The following HDAC1 variants were observed in gnomAD, a reference collection of about 807,000 sequenced individuals.
The protein encoded by HDAC1 is histone deacetylase 1, also known as protein deacetylase HDAC1.
A neutral mutation model predicts 65.5 loss-of-function variants in HDAC1; 18 were observed. That is an observed-to-expected ratio of 0.27 (90% CI 0.19 to 0.41). The LOEUF is 0.41. Ranked by LOEUF, HDAC1 falls within the 10% of genes least tolerant of loss-of-function variation. The pLI is 1.00. For synonymous variants in HDAC1, 211 were observed against 227.9 expected (o/e 0.93, Z 0.67); for missense variants, 373 against 625.2 (o/e 0.60, Z 4.30).
At chr1:32,311,407 C>T (rs1640989197) in intron 2 of HDAC1, among the ~76,000 whole-genome samples, 1 of 151,824 alleles carries the variant, frequency 6.6e-6, no homozygotes, top group East Asian at 1.9e-4. Context: ...GCAGAAGTTG[C>T]AATGAGCCGA....
Position 32,326,943 on chromosome 1 carries a change from T to C in HDAC1, c.360T>C (p.Ser120=), listed in dbSNP as rs964310723. 2 of 1,613,940 alleles carry C rather than the reference T, an allele frequency of 1.2e-6. No individual in the cohort carries two copies. Among genetic ancestry groups the C allele is most frequent in the Non-Finnish European group, 1.7e-6 (2 of 1,179,966 alleles). Residue 120 remains serine, a synonymous_variant, in exon 5 of 14, where the codon AGT becomes AGC. Transcript: ENST00000373548. The part of the protein sequence containing the change: ...CQLSTGGSVA[S]AVKLNKQQTD... ...GTTCTCTTTTCTCATGCCCAGCAAG[T>C]GCTGTGAAACTTAATAAGCAGCAGA...
rs1223348291 is a variant in HDAC1, at chr1:32,325,614, T to A, written c.355+1061T>A. On this transcript the variant is annotated intron_variant, in intron 4 of 13. Coordinates refer to ENST00000373548, the MANE Select transcript of HDAC1 (RefSeq NM_004964.3). ...TACTTAACGAAATTGTCTGTAGTTT[T>A]CTACAGCTTGCTTTCTTGTGGCTCT... is the stretch of plus-strand genomic sequence containing the variant. Among the ~76,000 whole-genome samples the A allele has an allele frequency of 2.0e-5, 3 of 152,394 alleles. No homozygotes were observed. In the East Asian group the frequency reaches 5.8e-4, roughly 29 times the overall value.
chr1:32,318,655 T>C (rs1451576805), intron 3 of HDAC1, among the ~76,000 whole-genome samples: 1 of 152,164 alleles, frequency 6.6e-6, no homozygotes, highest in Non-Finnish European at 1.5e-5. Flanking sequence ...CCTCAATGAA[T>C]TGCTTTTGCT....
intron 3 of HDAC1, 125 bp downstream of exon 3, chr1:32,316,907 A>G (rs1218419733): frequency 1.4e-6 from 1 of 692,148 alleles, no homozygotes; most frequent in African/African-American, 1.8e-5. Context: ...CTACCTCCTA[A>G]AGGTGCCAGA....
chr1:32,293,336 A>G (rs1451099440), intron 1 of HDAC1, among the ~76,000 whole-genome samples: 2 of 151,932 alleles, frequency 1.3e-5, no homozygotes, highest in Non-Finnish European at 2.9e-5. Context: ...AAAAAAAAAA[A>G]AAAGATGTAA....
intron 4 of HDAC1, among the ~76,000 whole-genome samples, chr1:32,324,802 T>TA (rs1557610323): frequency 6.6e-6 from 1 of 151,800 alleles, no homozygotes; most frequent in Non-Finnish European, 1.5e-5. Context: ...CTCCTGTCTA[T>TA]AAAAAAATAA....
chr1:32,315,389 G>A (rs1008815996), intron 2 of HDAC1, among the ~76,000 whole-genome samples: 5 of 151,158 alleles, frequency 3.3e-5, no homozygotes, highest in Admixed American at 2.6e-4. Flanking sequence ...TTTCACTCTT[G>A]TTGCCCAGGA....
chr1:32,314,782 C>T (rs1359389927), intron 2 of HDAC1, among the ~76,000 whole-genome samples: 19 of 147,996 alleles, frequency 1.3e-4, no homozygotes, highest in Admixed American at 4.8e-4. Context: ...GCCGAGATCG[C>T]GCCACTGCAC....
Position 32,332,745 on chromosome 1 carries a change from A to C in HDAC1, c.1417A>C (p.Lys473Gln). 1 of 1,554,738 alleles carries C rather than the reference A, an allele frequency of 6.4e-7. No individual in the cohort carries two copies. The change falls in exon 13 of 14, where the codon AAA becomes CAA. Residue 473 changes from lysine (K) to glutamine (Q), a missense_variant. Around this residue, in one of 4 missense-constraint regions of HDAC1, gnomAD observed 126 missense variants for 126.2 expected, o/e 1.00. Transcript: ENST00000373548. ...EKTKEEKPEA[K>Q]GVKEEVKLA ...AACCAAGGAGGAGAAGCCAGAAGCCAAAGGGTGAGGAAGGAGCTGCCTGTG... is the reference window on the plus strand; with the variant it reads ...AACCAAGGAGGAGAAGCCAGAAGCCCAAGGGTGAGGAAGGAGCTGCCTGTG...
At chr1:32,318,865 T>A (rs1287267176) in intron 3 of HDAC1, among the ~76,000 whole-genome samples, 1 of 152,118 alleles carries the variant, frequency 6.6e-6, no homozygotes, top group African/African-American at 2.4e-5. Context: ...ACGCCTGTAA[T>A]CCCAGCAGTT....
At chr1:32,332,930 C>G (rs910961552) in intron 13 of HDAC1, 87 bp from the exon 14 acceptor site, 16 of 1,407,718 alleles carry the variant, frequency 1.1e-5, no homozygotes, top group Non-Finnish European at 1.4e-5. Flanking sequence ...CAGTAGTCAC[C>G]TAGGATCCTG....
chr1:32,307,717 G>C (rs951574789), intron 2 of HDAC1, among the ~76,000 whole-genome samples: 34 of 152,206 alleles, frequency 2.2e-4, no homozygotes, highest in Admixed American at 1.2e-3. Flanking sequence ...CTGAGGATAA[G>C]AGGGCACTGC....
rs1641326720 is a variant in HDAC1 at position 32,333,404 on chromosome 1, AG to A, written c.*362del. 1.2e-5 allele frequency: 2 copies of A among 164,806 alleles called. No homozygotes were observed. The highest frequency in any genetic ancestry group is 4.8e-5 in the African/African-American group (2 of 41,710). 10.2% of individuals were successfully genotyped at this position (164,806 alleles called of 1,614,324 possible). On this transcript the variant is annotated 3_prime_UTR_variant, in exon 14 of 14. Transcript: ENST00000373548. ...TCTAGAAGGGGTGGCTGGGTCTTCA[AG>A]GATCTCCTGTTTTTTTCAGGCTCCT...
At position 32,316,726 on chromosome 1, in the gene HDAC1, T is replaced by A. The variant is rs1246367818; in HGVS notation, c.224T>A (p.Phe75Tyr). 1 of 1,614,018 alleles carries A rather than the reference T, an allele frequency of 6.2e-7. No homozygotes were observed. Among genetic ancestry groups the A allele is most frequent in the Non-Finnish European group, 8.5e-7 (1 of 1,179,926 alleles). The change falls in exon 3 of 14, where the codon TTC becomes TAC. Residue 75 changes from phenylalanine to tyrosine, a missense_variant. By Grantham distance (22) the Phe-to-Tyr change is conservative. Around this residue, in one of 4 missense-constraint regions of HDAC1, gnomAD observed 80 missense variants for 126.3 expected, o/e 0.63. Coordinates refer to ENST00000373548, the MANE Select transcript of HDAC1 (RefSeq NM_004964.3). ...TACCACAGCGATGACTACATTAAATTCTTGCGCTCCATCCGTCCAGATAAC... is the reference window on the plus strand; with the variant it reads ...TACCACAGCGATGACTACATTAAATACTTGCGCTCCATCCGTCCAGATAAC... ...TKYHSDDYIKFLRSIRPDNMS... is the reference protein window; with the variant it reads ...TKYHSDDYIKYLRSIRPDNMS...
chr1:32,331,776 G>A lies in HDAC1; in HGVS notation c.1189G>A (p.Asp397Asn), dbSNP rs534630224. The A allele has an allele frequency of 8.7e-6, 14 of 1,613,720 alleles. No individual in the cohort carries two copies. In the East Asian group the frequency reaches 2.5e-4, roughly 28 times the overall value. Reference sequence around the variant, plus strand: ...CATCCCTGAGGAGAGTGGCGATGAGGACGAAGACGACCCTGACAAGCGCAT... The same window carrying A: ...CATCCCTGAGGAGAGTGGCGATGAGAACGAAGACGACCCTGACAAGCGCAT... Reference protein sequence around the residue: ...DAIPEESGDEDEDDPDKRISI... With the variant: ...DAIPEESGDENEDDPDKRISI... Residue 397 changes from aspartate (D) to asparagine (N), a missense_variant, in exon 11 of 14, where the codon GAC (aspartate) becomes AAC (asparagine). By Grantham distance (23) the Asp-to-Asn change is conservative. Around this residue, in one of 4 missense-constraint regions of HDAC1, gnomAD observed 126 missense variants for 126.2 expected, o/e 1.00. Coordinates refer to ENST00000373548, the MANE Select transcript of HDAC1 (RefSeq NM_004964.3). This position sits in a 1 kb window ranked among gnomAD's most constrained non-coding sequence, Gnocchi z 4.2.
intron 3 of HDAC1, among the ~76,000 whole-genome samples, chr1:32,319,217 T>C (rs1641106873): frequency 6.6e-6 from 1 of 151,916 alleles, no homozygotes; most frequent in African/African-American, 2.4e-5. Flanking sequence ...CCAGTCTGGG[T>C]AATATAGTGA....
intron 2 of HDAC1, among the ~76,000 whole-genome samples, chr1:32,303,613 GT>G (rs1413958762): frequency 1.3e-5 from 2 of 152,172 alleles, no homozygotes; most frequent in Non-Finnish European, 2.9e-5. Flanking sequence ...TGATCTTTGA[GT>G]TTTTAAAGAG....
In HDAC1 at chr1:32,319,879, C is replaced by T. The variant is rs556368492; in HGVS notation, c.280+3097C>T. Among the ~76,000 whole-genome samples the T allele has an allele frequency of 6.6e-5, 10 of 152,082 alleles. No homozygotes were observed. The South Asian group carries it at 1.9e-3, about 28-fold the overall frequency. On this transcript the variant is annotated intron_variant, in intron 3 of 13. Coordinates refer to ENST00000373548, the MANE Select transcript of HDAC1 (RefSeq NM_004964.3). ...GAGGTATGGTCTCATTTCGCCACCA[C>T]ACTCCAGCCTGGGCAACATAGCAAG...
chr1:32,332,817 TGAGGA>T, intron 13 of HDAC1, 68 bp downstream of exon 13: 1 of 1,393,088 alleles, frequency 7.2e-7, no homozygotes, highest in East Asian at 2.5e-5. Flanking sequence ...CCCACCACTC[TGAGGA>T]AAGGCACAGG....
Sources: allele counts gnomAD v4.1 joint callset (sites outside exome capture counted in the v4.1 genomes callset), GRCh38; gene constraint gnomAD v4.1.1; regional missense constraint gnomAD v4.1.1; non-coding constraint Gnocchi (gnomAD v3.1); transcripts MANE v1.5; gene names NCBI Gene and HGNC (gene_info 2026-07-23, HGNC 2026-07-21).